The following ATP2C2 variants were observed in gnomAD, a reference collection of about 807,000 sequenced individuals.
The protein encoded by ATP2C2 is calcium-transporting ATPase type 2C member 2.
In ATP2C2, 171 loss-of-function variants were observed where a neutral mutation model predicts 110.8. The ratio of observed to expected loss-of-function variants is 1.54; its 90% CI spans 1.36 to 1.75. The LOEUF (loss-of-function observed/expected upper bound fraction) is 1.75, where lower values mean the gene tolerates loss of function less well. ATP2C2 is among the 40% of genes most tolerant of loss of function. The pLI is 0.00. For synonymous variants in ATP2C2, 804 were observed against 508.4 expected (o/e 1.58, Z -7.82); for missense variants, 1,963 against 1,235.0 (o/e 1.59, Z -8.84).
In ATP2C2 at chr16:84,452,096, C is replaced by G; in HGVS notation, c.1831+5C>G. The G allele has an allele frequency of 6.2e-7, 1 of 1,613,970 alleles. No homozygotes were observed. The highest frequency in any genetic ancestry group is 1.3e-5 in the African/African-American group (1 of 75,006). On this transcript the variant is annotated splice_donor_5th_base_variant and intron_variant, in intron 18 of 26. Transcript: ENST00000262429. ...TGGAGACGGCCTTGGCCATAGGTAA[C>G]TGGGACAGGGTCGGGGGTGAGGACG...
At chr16:84,385,847 C>T (rs980042973) in intron 1 of ATP2C2, among the ~76,000 whole-genome samples, 10 of 152,220 alleles carry the variant, frequency 6.6e-5, no homozygotes, top group Non-Finnish European at 4.4e-5. Flanking sequence ...GAGGTCCCTT[C>T]CCCAACATGC....
At chr16:84,460,969 C>T (rs1164321040) in intron 24 of ATP2C2, 168 bp downstream of exon 24, 4 of 997,934 alleles carry the variant, frequency 4.0e-6, no homozygotes, top group Admixed American at 3.0e-5. Context: ...GGCAAAGGGA[C>T]TGGGTGACCC....
In ATP2C2 at chr16:84,452,060, G is replaced by C; in HGVS notation, c.1800G>C (p.Thr600=). The change falls in exon 18 of 27, where the codon ACG becomes ACC. Residue 600 remains threonine (T), a synonymous_variant. Coordinates refer to ENST00000262429, the MANE Select transcript of ATP2C2 (RefSeq NM_014861.4). ...CTGGTGTGTCTGTGAAGATGATAAC[G>C]GGGGATGCCCTGGAGACGGCCTTGG... The part of the protein sequence containing the change: ...SESGVSVKMI[T]GDALETALAI... The C allele has an allele frequency of 6.2e-7, 1 of 1,613,926 alleles. No homozygotes were observed.
At chr16:84,387,173 A>G (rs1210410893) in intron 1 of ATP2C2, among the ~76,000 whole-genome samples, 2 of 152,070 alleles carry the variant, frequency 1.3e-5, no homozygotes, top group Non-Finnish European at 2.9e-5. Flanking sequence ...ACATTTGGGC[A>G]CTCGTATCTC....
intron 21 of ATP2C2, 38 bp from the exon 22 acceptor site, chr16:84,459,081 AG>A (rs778100315): frequency 6.2e-7 from 1 of 1,611,378 alleles, no homozygotes; most frequent in South Asian, 1.1e-5. Context: ...GCCCTCACGC[AG>A]GCCCGCTCCG....
At chr16:84,437,405 A>G (rs1908841365) in intron 11 of ATP2C2, among the ~76,000 whole-genome samples, 1 of 151,522 alleles carries the variant, frequency 6.6e-6, no homozygotes, top group African/African-American at 2.4e-5. Context: ...TTGTAGAAAT[A>G]AAAAAATGTT....
chr16:84,438,428 C>A (rs1908937405), intron 11 of ATP2C2, among the ~76,000 whole-genome samples: 1 of 152,180 alleles, frequency 6.6e-6, no homozygotes, highest in Non-Finnish European at 1.5e-5. Context: ...GAAAGAGCCC[C>A]CTCTACACAT....
intron 1 of ATP2C2, among the ~76,000 whole-genome samples, chr16:84,388,329 A>AC (rs11454474): frequency 0.17 from 25,771 of 152,104 alleles, 2,342 homozygotes; most frequent in Non-Finnish European, 0.2. Flanking sequence ...TGTCTCAAAA[A>AC]AAAAAGAAAG....
chr16:84,390,219 C>T (rs550404088), intron 1 of ATP2C2, among the ~76,000 whole-genome samples: 4 of 152,310 alleles, frequency 2.6e-5, no homozygotes, highest in African/African-American at 9.6e-5. Flanking sequence ...AACCGAATCC[C>T]GGGGCTGGAC....
rs113535664 is a variant in ATP2C2 at position 84,393,325 on chromosome 16, A to G, written c.100-5174A>G. Among the ~76,000 whole-genome samples the G allele has an allele frequency of 4.1e-3, 627 of 152,268 alleles. 4 individuals carry two copies. The highest frequency in any genetic ancestry group is 8.3e-3 in the African/African-American group (346 of 41,560). On this transcript the variant is annotated intron_variant, in intron 1 of 26. Coordinates refer to ENST00000262429, the MANE Select transcript of ATP2C2 (RefSeq NM_014861.4). ...GGGTGCCCAGGTAAGCATCCCAGGT[A>G]GGAGTCTCCCAAATGCAGGGCGAGG... is the stretch of plus-strand genomic sequence containing the variant.
At position 84,422,702 on chromosome 16, in the gene ATP2C2, G is replaced by T. The variant is rs867066038; in HGVS notation, c.843+5G>T. The T allele has an allele frequency of 6.2e-7, 1 of 1,601,308 alleles. No homozygotes were observed. The highest frequency in any genetic ancestry group is 1.4e-5 in the African/African-American group (1 of 73,940). ...AAGATGATGCAGGCTGAAGAGGTAA[G>T]GGGCAGGAGGGGGCTTCGGGACTTT... On this transcript the variant is annotated splice_donor_5th_base_variant and intron_variant, in intron 9 of 26. Coordinates refer to ENST00000262429, the MANE Select transcript of ATP2C2 (RefSeq NM_014861.4).
At chr16:84,398,457 A>G in intron 1 of ATP2C2, 42 bp from the exon 2 acceptor site, 1 of 1,359,716 alleles carries the variant, frequency 7.4e-7, no homozygotes, top group Non-Finnish European at 1.0e-6. Context: ...TAATCAGTAC[A>G]AAAGTTCAAT....
chr16:84,403,950 C>G (rs913591253), intron 2 of ATP2C2, among the ~76,000 whole-genome samples: 2 of 152,176 alleles, frequency 1.3e-5, no homozygotes, highest in Non-Finnish European at 2.9e-5. Context: ...CTTGGCCTCC[C>G]AAAGCGCTGG....
At chr16:84,385,985 A>G (rs146333480) in intron 1 of ATP2C2, among the ~76,000 whole-genome samples, 2 of 152,136 alleles carry the variant, frequency 1.3e-5, no homozygotes, top group African/African-American at 4.8e-5. Context: ...TTGATGCTTC[A>G]TTGTCTTAAT....
intron 7 of ATP2C2, among the ~76,000 whole-genome samples, chr16:84,417,629 T>C (rs1003373030): frequency 6.6e-6 from 1 of 152,228 alleles, no homozygotes; most frequent in African/African-American, 2.4e-5. Context: ...CAGTGGCTCA[T>C]ACCTGTCATC....
intron 11 of ATP2C2, 76 bp downstream of exon 11, chr16:84,425,877 G>T (rs1907770400): frequency 6.5e-7 from 1 of 1,545,894 alleles, no homozygotes; most frequent in East Asian, 2.2e-5. Context: ...CGCAAGAGAA[G>T]GTGGGGAGGC....
At chr16:84,400,653 C>T (rs1215105868) in intron 2 of ATP2C2, among the ~76,000 whole-genome samples, 1 of 152,150 alleles carries the variant, frequency 6.6e-6, no homozygotes, top group Non-Finnish European at 1.5e-5. Context: ...AGGAACCCTC[C>T]AAACTGTTCA....
At chr16:84,410,458 T>G in intron 4 of ATP2C2, 110 bp from the exon 5 acceptor site, 1 of 1,284,886 alleles carries the variant, frequency 7.8e-7, no homozygotes, top group African/African-American at 1.5e-5. Flanking sequence ...GCACATGTTT[T>G]GCAAGAAGAA....
intron 26 of ATP2C2, 105 bp from the exon 27 acceptor site, chr16:84,463,509 T>G (rs1597897657): frequency 2.1e-6 from 2 of 943,530 alleles, no homozygotes; most frequent in East Asian, 2.4e-5. Context: ...GGGCTGGTCC[T>G]CCGCACCTCT....
Sources: gnomAD v4.1 joint callset for allele counts (sites outside exome capture counted in the v4.1 genomes callset) on GRCh38, gnomAD v4.1.1 for gene constraint, MANE v1.5 for transcripts, NCBI Gene and HGNC (gene_info 2026-07-23, HGNC 2026-07-21) for gene names.